Variants in DAPK2 observed in about 807,000 individuals in gnomAD.
The protein encoded by DAPK2 is death-associated protein kinase 2.
In DAPK2, 35 loss-of-function variants were observed where a neutral mutation model predicts 44.1. The observed-to-expected ratio is 0.79, with a 90% confidence interval of 0.61 to 1.05. DAPK2 has a LOEUF of 1.05. DAPK2 is among the 50% of genes least tolerant of loss of function. The probability of loss-of-function intolerance (pLI) is 0.00; values close to 1 mark genes in which losing one functional copy is unlikely to be tolerated. For missense variants in DAPK2, 453 were observed against 483.2 expected (o/e 0.94, Z 0.59); for synonymous variants, 174 against 182.6 (o/e 0.95, Z 0.38).
chr15:63,947,650 A>G (rs1255785185), intron 3 of DAPK2, among the ~76,000 whole-genome samples: 1 of 152,228 alleles, frequency 6.6e-6, no homozygotes, highest in Non-Finnish European at 1.5e-5. Context: ...ACCTATCTCA[A>G]GAGGGTTACT....
chr15:63,978,595 C>T (rs955184681), intron 2 of DAPK2, among the ~76,000 whole-genome samples: 1 of 152,172 alleles, frequency 6.6e-6, no homozygotes, highest in Non-Finnish European at 1.5e-5. Flanking sequence ...TGACCTGCCA[C>T]TGTCTAGGCC....
At chr15:63,991,537 T>C (rs569931266) in intron 1 of DAPK2, among the ~76,000 whole-genome samples, 1 of 152,328 alleles carries the variant, frequency 6.6e-6, no homozygotes, top group African/African-American at 2.4e-5. Context: ...CGAAGTCCAA[T>C]ATGTAAAACA....
At chr15:63,950,016 G>T (rs1248995677) in intron 3 of DAPK2, among the ~76,000 whole-genome samples, 1 of 152,174 alleles carries the variant, frequency 6.6e-6, no homozygotes, top group Non-Finnish European at 1.5e-5. Context: ...TCTTTGGTCT[G>T]GACCTGAACC....
chr15:63,960,666 T>C (rs1324460194), intron 3 of DAPK2, among the ~76,000 whole-genome samples: 1 of 152,174 alleles, frequency 6.6e-6, no homozygotes, highest in African/African-American at 2.4e-5. Flanking sequence ...TGGTTTTGAG[T>C]GAGTTTCTTA....
intron 1 of DAPK2, among the ~76,000 whole-genome samples, chr15:64,001,126 C>A (rs2079074282): frequency 6.6e-6 from 1 of 151,962 alleles, no homozygotes; most frequent in South Asian, 2.1e-4. Context: ...GTGATCCTGC[C>A]TCAGCCTCCC....
intron 1 of DAPK2, 138 bp downstream of exon 2, chr15:64,040,032 T>A (rs1675326830): frequency 1.5e-6 from 1 of 652,534 alleles, no homozygotes; most frequent in Non-Finnish European, 2.7e-6. Flanking sequence ...CCCAGGCAGG[T>A]GAATAATCCT....
chr15:64,032,674 G>T (rs536036121), intron 1 of DAPK2, among the ~76,000 whole-genome samples: 1 of 152,310 alleles, frequency 6.6e-6, no homozygotes, highest in South Asian at 2.1e-4. Context: ...AAAATAGCCA[G>T]GCGTGGTGGT....
chr15:64,018,357 A>G (rs1207383920), intron 1 of DAPK2, among the ~76,000 whole-genome samples: 1 of 152,228 alleles, frequency 6.6e-6, no homozygotes, highest in Non-Finnish European at 1.5e-5. Context: ...CTCAGAAATT[A>G]GCTCTACTAA....
chr15:64,029,546 G>T (rs1376236183), intron 1 of DAPK2, among the ~76,000 whole-genome samples: 7 of 152,164 alleles, frequency 4.6e-5, no homozygotes, highest in African/African-American at 1.7e-4. Flanking sequence ...GTGTTTTTGG[G>T]TCCCACTATT....
intron 1 of DAPK2, among the ~76,000 whole-genome samples, chr15:64,016,187 G>A (rs1304997830): frequency 1.3e-5 from 2 of 152,270 alleles, no homozygotes; most frequent in Admixed American, 6.5e-5. Context: ...CAGGACACAC[G>A]GCCTCTTACA....
At chr15:63,996,063 G>A (rs373129461) in intron 1 of DAPK2, among the ~76,000 whole-genome samples, 7 of 152,220 alleles carry the variant, frequency 4.6e-5, no homozygotes, top group South Asian at 2.1e-4. Context: ...GATGTTGGGT[G>A]TATTTCCTCC....
rs2079155928 is a variant in DAPK2, at chr15:63,923,714, C to T, written c.858+1102G>A. On this transcript the variant is annotated intron_variant, in intron 8 of 10. Transcript: ENST00000261891. This position sits in a 1 kb window ranked among gnomAD's most constrained non-coding sequence, Gnocchi z 4.2. ...GCAGGGCTGAGGAGCATCTCTCCTT[C>T]AGGGCTCCTTGGGCCTTCCCCATCC... 6.6e-6 allele frequency among the ~76,000 whole-genome samples: 1 copy of T among 152,256 alleles called. No homozygotes were observed. The highest frequency in any genetic ancestry group is 2.1e-4 in the South Asian group (1 of 4,832).
intron 4 of DAPK2, among the ~76,000 whole-genome samples, chr15:63,938,990 C>A (rs754492526): frequency 3.9e-5 from 6 of 152,180 alleles, no homozygotes; most frequent in Non-Finnish European, 8.8e-5. Context: ...CAGGCTGTAG[C>A]CCCACTGAGA....
chr15:63,949,999 T>C (rs574488692), intron 3 of DAPK2, among the ~76,000 whole-genome samples: 102 of 152,368 alleles, frequency 6.7e-4, no homozygotes, highest in African/African-American at 2.2e-3. Context: ...TGACTGCTGA[T>C]AGAAACTCTT....
At chr15:63,909,749 C>G (rs2078738859) in intron 10 of DAPK2, 1 of 151,960 alleles carries the variant, frequency 6.6e-6, no homozygotes. Flanking sequence ...TTGCAGCGAG[C>G]TGAGATGGTG....
chr15:64,046,043 G>T lies in DAPK2; in HGVS notation c.-7+255C>A, dbSNP rs529977349. On this transcript the variant is annotated intron_variant, in intron 1 of 11. Transcript: ENST00000457488. This position sits in a 1 kb window ranked among gnomAD's most constrained non-coding sequence, Gnocchi z 5.3. ...CCCTGCTGGGTGCTTGGCTCTGCCC[G>T]CCGCCTCTACCCTGTCTCCCAGGTC... is the stretch of plus-strand genomic sequence containing the variant. 6.6e-6 allele frequency among the ~76,000 whole-genome samples: 1 copy of T among 152,248 alleles called. No individual in the cohort carries two copies. The highest frequency in any genetic ancestry group is 6.5e-5 in the Admixed American group (1 of 15,300).
chr15:63,935,940 A>G (rs2077132596), intron 4 of DAPK2: 1 of 152,212 alleles, frequency 6.6e-6, no homozygotes, highest in African/African-American at 2.4e-5. Flanking sequence ...CAACAATTAA[A>G]TTCTTTAAAG....
At position 63,908,412 on chromosome 15, in the gene DAPK2, A is replaced by G. The variant is rs760587733; in HGVS notation, c.*108T>C. Reference sequence around the variant, plus strand: ...TTCCTTGGGCCCATCTCTCTTGCAAAGTGCTCAGGACGCCCGGGTGCTGGT... The same window carrying G: ...TTCCTTGGGCCCATCTCTCTTGCAAGGTGCTCAGGACGCCCGGGTGCTGGT... On this transcript the variant is annotated 3_prime_UTR_variant, in exon 11 of 11. Coordinates refer to ENST00000261891, the Ensembl canonical transcript of DAPK2. This position sits in a 1 kb window ranked among gnomAD's most constrained non-coding sequence, Gnocchi z 5.7. 1.2e-4 allele frequency: 72 copies of G among 586,506 alleles called. No homozygotes were observed. Among genetic ancestry groups the G allele is most frequent in the Non-Finnish European group, 1.9e-4 (68 of 360,790 alleles). The allele number at this position is 586,506 out of a possible 1,614,324, so 36.3% of individuals were successfully genotyped here.
chr15:63,956,352 A>G (rs1271718458), intron 3 of DAPK2, among the ~76,000 whole-genome samples: 1 of 151,506 alleles, frequency 6.6e-6, no homozygotes, highest in Non-Finnish European at 1.5e-5. Flanking sequence ...GGTTTGCAAA[A>G]GCCCTCTTAA....
Sources: gnomAD v4.1 joint callset for allele counts (sites outside exome capture counted in the v4.1 genomes callset) on GRCh38, gnomAD v4.1.1 for gene constraint, Gnocchi (gnomAD v3.1) non-coding constraint, MANE v1.5 for transcripts, NCBI Gene and HGNC (gene_info 2026-07-23, HGNC 2026-07-21) for gene names.